Variants in THSD4 observed in about 807,000 individuals in gnomAD.
THSD4 encodes thrombospondin type 1 domain containing 4.
A neutral mutation model predicts 119.0 loss-of-function variants in THSD4; 69 were observed. The ratio of observed to expected loss-of-function variants is 0.58; its 90% CI spans 0.48 to 0.71. THSD4 has a LOEUF of 0.71. Among genes scored for constraint, THSD4 ranks in the 30% least tolerant of loss-of-function variants. THSD4 has a pLI of 0.00. For synonymous variants in THSD4, 524 were observed against 540.4 expected, an observed-to-expected ratio of 0.97 and a Z score of 0.42; for missense variants, 1,393 against 1,391.1, an observed-to-expected ratio of 1.00 and a Z score of -0.02.
At chr15:71,763,898 C>T (rs919485168) in intron 15 of THSD4, among the ~76,000 whole-genome samples, 4 of 152,022 alleles carry the variant, frequency 2.6e-5, no homozygotes, top group African/African-American at 4.8e-5. Context: ...AACCCCATCT[C>T]TACAAAAAAA....
At chr15:71,498,097 C>T (rs1428565336) in intron 7 of THSD4, among the ~76,000 whole-genome samples, 2 of 152,100 alleles carry the variant, frequency 1.3e-5, no homozygotes, top group African/African-American at 4.8e-5. Context: ...AATACTCACT[C>T]GAATTTAATG....
intron 6 of THSD4, among the ~76,000 whole-genome samples, chr15:71,296,518 C>G (rs1054958041): frequency 3.9e-5 from 6 of 152,182 alleles, no homozygotes; most frequent in Non-Finnish European, 5.9e-5. Context: ...CCTGCCAAGT[C>G]TCTCTGGGTG....
In THSD4 at chr15:71,444,862, C is replaced by T. The variant is rs528171248; in HGVS notation, c.1152+33039C>T. ...TTTTTCAGGTGAGCTTTCATTTTAC[C>T]GTCAGAGGGATTCTAAAATATAAAT... On this transcript the variant is annotated intron_variant, in intron 7 of 17. Transcript: ENST00000261862. 9.2e-5 allele frequency among the ~76,000 whole-genome samples: 14 copies of T among 152,236 alleles called. No homozygotes were observed. In the South Asian group the frequency reaches 1.0e-3, roughly 11 times the overall value.
intron 4 of THSD4, among the ~76,000 whole-genome samples, chr15:71,218,051 C>G (rs145554352): frequency 2.6e-4 from 39 of 152,070 alleles, no homozygotes; most frequent in African/African-American, 8.9e-4. Context: ...GGATTACAGG[C>G]ATGAGTCACC....
At chr15:71,303,229 G>A (rs2044976954) in intron 6 of THSD4, among the ~76,000 whole-genome samples, 1 of 152,202 alleles carries the variant, frequency 6.6e-6, no homozygotes, top group African/African-American at 2.4e-5. Context: ...GGCATCACTA[G>A]CTCTGGGCGC....
At chr15:71,354,484 T>C (rs2045783197) in intron 6 of THSD4, among the ~76,000 whole-genome samples, 1 of 152,146 alleles carries the variant, frequency 6.6e-6, no homozygotes, top group Admixed American at 6.5e-5. Flanking sequence ...GGTGGAGACT[T>C]TTCCAAATTG....
At chr15:71,294,252 C>A (rs1159585088) in intron 6 of THSD4, among the ~76,000 whole-genome samples, 7 of 152,150 alleles carry the variant, frequency 4.6e-5, no homozygotes, top group Non-Finnish European at 1.0e-4. Context: ...CCCAAGTGCC[C>A]TTTTACAGAG....
chr15:71,617,850 A>T (rs937629275), intron 7 of THSD4, among the ~76,000 whole-genome samples: 2 of 152,228 alleles, frequency 1.3e-5, no homozygotes, highest in Non-Finnish European at 2.9e-5. Flanking sequence ...TTGGGGGAGC[A>T]AGGTTATGTA....
intron 6 of THSD4, among the ~76,000 whole-genome samples, chr15:71,267,277 A>G (rs2044475381): frequency 6.6e-6 from 1 of 152,228 alleles, no homozygotes; most frequent in Non-Finnish European, 1.5e-5. Context: ...CAGAAACCCT[A>G]CAAGCCAGAA....
Position 71,207,739 on chromosome 15 carries a change from G to A in THSD4, c.100-7296G>A, listed in dbSNP as rs117361240. On this transcript the variant is annotated intron_variant, in intron 3 of 17. Coordinates refer to ENST00000261862, the MANE Select transcript of THSD4 (RefSeq NM_024817.3). ...ACTGTGCATGTGAGGGATCTAGGTT[G>A]TACGCTCCTTATGAGAATCTAATGT... Among the ~76,000 whole-genome samples the A allele has an allele frequency of 5.6e-3, 849 of 152,246 alleles. 3 individuals carry two copies. The highest frequency in any genetic ancestry group is 0.01 in the Middle Eastern group (3 of 294).
intron 7 of THSD4, among the ~76,000 whole-genome samples, chr15:71,430,617 C>T (rs994619151): frequency 1.3e-4 from 19 of 151,828 alleles, no homozygotes; most frequent in Non-Finnish European, 2.5e-4. Context: ...ATTAGCTGGG[C>T]GTGGTGGTGC....
At chr15:71,199,787 T>TGTGCTGTGTGG (rs2043773146) in intron 3 of THSD4, among the ~76,000 whole-genome samples, 1 of 142,716 alleles carries the variant, frequency 7.0e-6, no homozygotes, top group East Asian at 2.1e-4. Flanking sequence ...TGTGTGGGTG[T>TGTGCTGTGTGG]GTGCTGTGTG....
chr15:71,274,002 T>C (rs1027920865), intron 6 of THSD4, among the ~76,000 whole-genome samples: 2 of 152,156 alleles, frequency 1.3e-5, no homozygotes, highest in African/African-American at 4.8e-5. Context: ...TTCCAGCAGG[T>C]TTCTCCATCT....
intron 7 of THSD4, among the ~76,000 whole-genome samples, chr15:71,433,782 C>T (rs1053689626): frequency 1.3e-5 from 2 of 152,126 alleles, no homozygotes; most frequent in African/African-American, 4.8e-5. Flanking sequence ...CCATGTTAGG[C>T]TGGGCCCTGC....
chr15:71,470,616 G>A (rs1163178946), intron 7 of THSD4, among the ~76,000 whole-genome samples: 4 of 151,954 alleles, frequency 2.6e-5, no homozygotes, highest in Non-Finnish European at 4.4e-5. Context: ...ATAAATGGCT[G>A]AGTGAGGATT....
intron 2 of THSD4, among the ~76,000 whole-genome samples, chr15:71,143,603 C>A (rs1486612566): frequency 6.6e-6 from 1 of 152,026 alleles, no homozygotes; most frequent in Non-Finnish European, 1.5e-5. Context: ...AATGTGGCCA[C>A]CCAGGCTGCA....
intron 10 of THSD4, among the ~76,000 whole-genome samples, chr15:71,735,573 ACT>A (rs1336457866): frequency 1.0e-4 from 11 of 107,292 alleles, no homozygotes; most frequent in East Asian, 8.5e-4. Context: ...TCTCTCTCGC[ACT>A]CTCTGTTTCT....
intron 14 of THSD4, among the ~76,000 whole-genome samples, chr15:71,751,973 A>G (rs764302937): frequency 3.3e-5 from 5 of 152,220 alleles, no homozygotes; most frequent in Non-Finnish European, 5.9e-5. Flanking sequence ...AATATTATGA[A>G]TGCTTTTTGA....
At chr15:71,358,411 C>T (rs924029397) in intron 6 of THSD4, among the ~76,000 whole-genome samples, 13 of 152,126 alleles carry the variant, frequency 8.5e-5, no homozygotes, top group Admixed American at 2.0e-4. Context: ...GGCAGCCATC[C>T]GACAGAAATC....
Sources: allele counts gnomAD v4.1 joint callset (sites outside exome capture counted in the v4.1 genomes callset), GRCh38; gene constraint gnomAD v4.1.1; transcripts MANE v1.5; gene names NCBI Gene and HGNC (gene_info 2026-07-23, HGNC 2026-07-21).